The following SLC25A26 variants were observed in gnomAD, a reference collection of about 807,000 sequenced individuals.
SLC25A26 encodes the protein mitochondrial S-adenosylmethionine carrier protein.
In SLC25A26, 36 loss-of-function variants were observed where a neutral mutation model predicts 37.8. The observed-to-expected ratio is 0.95, with a 90% CI of 0.73 to 1.26. The LOEUF (loss-of-function observed/expected upper bound fraction) is 1.26. SLC25A26 is among the 50% of genes most tolerant of loss of function. The pLI is 0.00. For synonymous variants in SLC25A26, 129 were observed against 122.5 expected (o/e 1.05, Z -0.35); for missense variants, 390 against 331.1 (o/e 1.18, Z -1.38).
chr3:66,138,654 GT>G (rs2069985187), intron 1 of SLC25A26, among the ~76,000 whole-genome samples: 2 of 141,022 alleles, frequency 1.4e-5, no homozygotes, highest in African/African-American at 5.1e-5. Context: ...GGGAGGGGGG[GT>G]AGGGATGTAT....
intron 1 of SLC25A26, among the ~76,000 whole-genome samples, chr3:66,204,305 A>G (rs1189603548): frequency 6.6e-6 from 1 of 151,732 alleles, no homozygotes; most frequent in Non-Finnish European, 1.5e-5. Context: ...GGTCGCCTGT[A>G]GTCCCAGCTA....
At chr3:66,230,903 A>T (rs1210598935) in intron 1 of SLC25A26, among the ~76,000 whole-genome samples, 1 of 148,136 alleles carries the variant, frequency 6.8e-6, no homozygotes, top group Admixed American at 6.7e-5. Flanking sequence ...AACTGGGTGC[A>T]GTGGCTTATG....
intron 3 of SLC25A26, among the ~76,000 whole-genome samples, chr3:66,253,699 A>G (rs1410388467): frequency 1.3e-5 from 2 of 152,194 alleles, no homozygotes; most frequent in African/African-American, 4.8e-5. Flanking sequence ...ATAGATAATA[A>G]GCTTATGTTT....
chr3:66,325,268 C>T (rs1344591370), intron 5 of SLC25A26, among the ~76,000 whole-genome samples: 1 of 152,170 alleles, frequency 6.6e-6, no homozygotes, highest in Admixed American at 6.5e-5. Flanking sequence ...AGGTGATGCA[C>T]ACCTATCTTG....
Position 66,215,422 on chromosome 3 carries a change from A to G in SLC25A26, c.-353-5320A>G, listed in dbSNP as rs893085445. ...CCCCATGTTGCCCAGGCTGGTCTTG[A>G]ATTCCTGGACTCAAGTGATCCTCCT... On this transcript the variant is annotated intron_variant, in intron 1 of 10. Transcript: ENST00000676754. Among the ~76,000 whole-genome samples, 397 of 152,244 alleles carry G rather than the reference A, an allele frequency of 2.6e-3. 3 individuals carry two copies. Among genetic ancestry groups the G allele is most frequent in the Middle Eastern group, 3.4e-3 (1 of 294 alleles).
At position 66,209,902 on chromosome 3, in the gene SLC25A26, A is replaced by ATT. The variant is rs1227627699; in HGVS notation, c.-353-10839_-353-10838insTT. Among the ~76,000 whole-genome samples the ATT allele has an allele frequency of 8.9e-3, 137 of 15,416 alleles. 3 individuals are homozygous for ATT. Among genetic ancestry groups the ATT allele is most frequent in the Non-Finnish European group, 0.013 (113 of 8,622 alleles). The allele number at this position is 15,416 out of a possible 152,430, so 10.1% of individuals were successfully genotyped here. A position where few individuals can be genotyped will look rare whatever the true frequency, so the allele number is the denominator to read the frequency against. On this transcript the variant is annotated intron_variant, in intron 1 of 10. Transcript: ENST00000676754. ...CTCCTCTCTCTCTCTCTCTATTTAT[A>ATT]TATATATATATATATATATATATAT... is the stretch of plus-strand genomic sequence containing the variant.
At chr3:66,156,126 T>C (rs916156289) in intron 1 of SLC25A26, among the ~76,000 whole-genome samples, 1 of 152,086 alleles carries the variant, frequency 6.6e-6, no homozygotes, top group East Asian at 1.9e-4. Context: ...GGATACAAAT[T>C]CCAACAGGGA....
chr3:66,300,721 A>G (rs2075052857), intron 5 of SLC25A26, among the ~76,000 whole-genome samples: 1 of 152,164 alleles, frequency 6.6e-6, no homozygotes, highest in Non-Finnish European at 1.5e-5. Flanking sequence ...TTTTCTAGAA[A>G]GAAGGAAATA....
At chr3:66,215,458 C>T (rs1445313617) in intron 1 of SLC25A26, among the ~76,000 whole-genome samples, 1 of 152,188 alleles carries the variant, frequency 6.6e-6, no homozygotes, top group Non-Finnish European at 1.5e-5. Context: ...ACCTCAGTCT[C>T]ACACAGTTCT....
At chr3:66,314,067 CAG>C (rs1302720964) in intron 5 of SLC25A26, among the ~76,000 whole-genome samples, 8 of 152,270 alleles carry the variant, frequency 5.3e-5, no homozygotes, top group African/African-American at 1.4e-4. Context: ...CATCTGCAAA[CAG>C]AGACAATTTG....
At chr3:66,272,744 A>C (rs950410063) in intron 5 of SLC25A26, among the ~76,000 whole-genome samples, 2 of 152,128 alleles carry the variant, frequency 1.3e-5, no homozygotes, top group African/African-American at 4.8e-5. Context: ...GCAAACAGGG[A>C]CAATTTGACT....
At chr3:66,375,537 T>C (rs749355427) in intron 9 of SLC25A26, among the ~76,000 whole-genome samples, 4 of 152,172 alleles carry the variant, frequency 2.6e-5, no homozygotes, top group Non-Finnish European at 5.9e-5. Flanking sequence ...CAATGCTCAT[T>C]GACTCTTCTG....
At chr3:66,281,642 A>AT in intron 5 of SLC25A26, among the ~76,000 whole-genome samples, 1 of 152,042 alleles carries the variant, frequency 6.6e-6, no homozygotes. Flanking sequence ...AGTTCAAGGG[A>AT]TTTTACTATA....
At chr3:66,330,643 T>A (rs1271049937) in intron 5 of SLC25A26, among the ~76,000 whole-genome samples, 1 of 81,868 alleles carries the variant, frequency 1.2e-5, no homozygotes, top group African/African-American at 4.8e-5. Context: ...AATGGTGGGG[T>A]GGGGGGAGTG....
intron 1 of SLC25A26, among the ~76,000 whole-genome samples, chr3:66,143,204 A>C (rs979866421): frequency 6.6e-6 from 1 of 151,880 alleles, no homozygotes; most frequent in African/African-American, 2.4e-5. Flanking sequence ...TATCCATTGT[A>C]TGAACATAAC....
At chr3:66,317,950 C>G (rs184544578) in intron 5 of SLC25A26, among the ~76,000 whole-genome samples, 1 of 152,304 alleles carries the variant, frequency 6.6e-6, no homozygotes, top group African/African-American at 2.4e-5. Context: ...ACCACCCGGT[C>G]TTGCTGGCAC....
At chr3:66,175,500 C>T (rs1471854581) in intron 1 of SLC25A26, among the ~76,000 whole-genome samples, 4 of 152,124 alleles carry the variant, frequency 2.6e-5, no homozygotes, top group Non-Finnish European at 4.4e-5. Flanking sequence ...GCTGGGATTA[C>T]AGGCATGAGC....
intron 1 of SLC25A26, among the ~76,000 whole-genome samples, chr3:66,143,529 C>T (rs760300424): frequency 1.3e-5 from 2 of 152,004 alleles, no homozygotes; most frequent in Non-Finnish European, 2.9e-5. Context: ...AGGCAATAAA[C>T]AATAAGCAGG....
rs1364387900 is a variant in SLC25A26 at position 66,254,391 on chromosome 3, A to G, written c.301-7660A>G. Among the ~76,000 whole-genome samples the G allele has an allele frequency of 2.0e-5, 3 of 152,244 alleles. No homozygotes were observed. In the East Asian group the frequency reaches 5.8e-4, roughly 29 times the overall value. On this transcript the variant is annotated intron_variant, in intron 3 of 9. Coordinates refer to ENST00000354883, the MANE Select transcript of SLC25A26 (RefSeq NM_001379210.1). ...ATACACGTAAGCAAATTGCATTTCA[A>G]AAATCTTCATAGTTTCCAGGGGTCT... is the stretch of plus-strand genomic sequence containing the variant.
Sources: gnomAD v4.1 joint callset for allele counts (sites outside exome capture counted in the v4.1 genomes callset) on GRCh38, gnomAD v4.1.1 for gene constraint, MANE v1.5 for transcripts, NCBI Gene and HGNC (gene_info 2026-07-23, HGNC 2026-07-21) for gene names.